IGFN1: variants seen among roughly 807,000 people sequenced by gnomAD.
IGFN1 encodes the protein immunoglobulin like and fibronectin type III domain containing 1.
In IGFN1, 253 loss-of-function variants were observed where a neutral mutation model predicts 289.5. That is an observed-to-expected ratio of 0.87 (90% CI 0.79 to 0.97). IGFN1 has a LOEUF of 0.97. IGFN1 is among the 50% of genes least tolerant of loss of function. The pLI is 0.00. For missense variants in IGFN1, 4,470 were observed against 4,686.1 expected (o/e 0.95, Z 1.35); for synonymous variants, 1,706 against 1,788.5 (o/e 0.95, Z 1.16).
chr1:201,195,879 C>T lies in IGFN1; in HGVS notation c.168C>T (p.Pro56=). The part of the protein sequence containing the change: ...AVFRAVVCGE[P]RPEVRWQNSK... ...TTCGGGCTGTGGTCTGTGGGGAGCC[C>T]AGGCCCGAGGTGCGTTGGCAGAACT... The change falls in exon 4 of 24, where the codon CCC becomes CCT. Residue 56 remains proline, a synonymous_variant. Coordinates refer to ENST00000335211, the MANE Select transcript of IGFN1 (RefSeq NM_001164586.2). 1.3e-6 allele frequency: 2 copies of T among 1,551,730 alleles called. No individual in the cohort carries two copies. The highest frequency in any genetic ancestry group is 1.2e-5 in the South Asian group (1 of 84,062).
Position 201,216,590 on chromosome 1 carries a change from CAGG to C in IGFN1, c.9435_9437del (p.Arg3145del). On this transcript the variant is annotated inframe_deletion, in exon 16 of 24. Transcript: ENST00000335211. ...ACGTGGTGGAGAGACGGCAGGCTGG[CAGG>C]AGCACTTGGCTGAAGGTGGGCGAGG... is the stretch of plus-strand genomic sequence containing the variant. 1 of 1,613,668 alleles carries C rather than the reference CAGG, an allele frequency of 6.2e-7. No homozygotes were observed. Among genetic ancestry groups the C allele is most frequent in the African/African-American group, 1.3e-5 (1 of 74,932 alleles).
Position 201,208,965 on chromosome 1 carries a change from G to T in IGFN1, c.4072G>T (p.Ala1358Ser). The change falls in exon 12 of 24, where the codon GCA becomes TCA. Residue 1358 changes from alanine (A) to serine (S), a missense_variant. Coordinates refer to ENST00000335211, the MANE Select transcript of IGFN1 (RefSeq NM_001164586.2). ...CAGGGAAGCGGGTTCAGGGAGCAAG[G>T]CAGATTATAGCGGTGGTTTAAAGGG... ...DSREAGSGSK[A>S]DYSGGLKGSR... 1 of 1,536,638 alleles carries T rather than the reference G, an allele frequency of 6.5e-7. No homozygotes were observed. The highest frequency in any genetic ancestry group is 8.7e-7 in the Non-Finnish European group (1 of 1,146,758).
intron 4 of IGFN1, 78 bp downstream of exon 4, chr1:201,196,056 C>A: frequency 7.0e-7 from 1 of 1,421,744 alleles, no homozygotes; most frequent in Non-Finnish European, 9.5e-7. Context: ...TGGCAGCCTC[C>A]AATCCCTAGA....
intron 10 of IGFN1, 72 bp from the exon 11 acceptor site, chr1:201,205,010 C>A: frequency 7.0e-7 from 1 of 1,427,512 alleles, no homozygotes; most frequent in African/African-American, 1.4e-5. Context: ...TTCTGAATGG[C>A]CAGCCTTGCT....
Position 201,215,670 on chromosome 1 carries a change from G to A in IGFN1, c.9127G>A (p.Gly3043Arg), listed in dbSNP as rs755985555. The change falls in exon 15 of 24, where the codon GGG becomes AGG. Residue 3043 changes from glycine (G) to arginine (R), a missense_variant. Gly to Arg is a moderately radical substitution (Grantham distance 125). Transcript: ENST00000335211. ...LPIQAAWRKD[G>R]AEVVGSSDRE... is the part of the protein sequence containing the mutation. ...CATTCAGGCTGCCTGGAGGAAGGAC[G>A]GGGCTGAGGTGGTGGGCAGCAGTGA... 11 of 1,613,884 alleles carry A rather than the reference G, an allele frequency of 6.8e-6. No homozygotes were observed. The highest frequency in any genetic ancestry group is 6.7e-5 in the East Asian group (3 of 44,894).
intron 23 of IGFN1, 57 bp downstream of exon 23, chr1:201,227,265 T>TG: frequency 7.0e-7 from 1 of 1,420,952 alleles, no homozygotes; most frequent in Non-Finnish European, 9.5e-7. Flanking sequence ...AGCAACCACC[T>TG]GCCTGTCAGG....
Position 201,213,277 on chromosome 1 carries a change from AG to A in IGFN1, c.8386del (p.Glu2796ArgfsTer62). 6.4e-7 allele frequency: 1 copy of A among 1,556,220 alleles called. No individual in the cohort carries two copies. Among genetic ancestry groups the A allele is most frequent in the Non-Finnish European group, 8.7e-7 (1 of 1,149,454 alleles). ...NGEVQGPGALKEDEGQGVEEA... is the reference protein window; with the variant it reads ...NGEVQGPGALXEDEGQGVEEA... ...GAGGTCCAGGGTCCTGGGGCCCTAA[AG>A]GAGGATGAAGGGCAGGGAGTGGAAG... On this transcript the variant is annotated frameshift_variant, in exon 12 of 24. Coordinates refer to ENST00000335211, the MANE Select transcript of IGFN1 (RefSeq NM_001164586.2). LOFTEE classifies it high-confidence loss of function.
Position 201,206,146 on chromosome 1 carries a change from A to C in IGFN1, c.1253A>C (p.Gln418Pro), listed in dbSNP as rs9651057. ...CACAAACTGCAGAGGCAAGGAGCCC[A>C]GGCATCAGGAGCAGAAGAGTCTGGG... ...ADHKLQRQGA[Q>P]ASGAEESGSI... The change falls in exon 12 of 24, where the codon CAG becomes CCG. Residue 418 changes from glutamine to proline, a missense_variant. Transcript: ENST00000335211. The C allele has an allele frequency of 1.5e-5, 23 of 1,550,646 alleles. No individual in the cohort carries two copies. In the East Asian group the frequency reaches 5.4e-4, roughly 36 times the overall value.
intron 1 of IGFN1, among the ~76,000 whole-genome samples, chr1:201,191,903 G>A (rs1666674402): frequency 6.7e-6 from 1 of 149,748 alleles, no homozygotes; most frequent in Non-Finnish European, 1.5e-5. Flanking sequence ...TCAGATAGCT[G>A]TGTTGAACTC....
intron 17 of IGFN1, 31 bp from the exon 18 acceptor site, chr1:201,218,499 G>T: frequency 1.2e-6 from 2 of 1,603,100 alleles, no homozygotes; most frequent in Non-Finnish European, 1.7e-6. Context: ...GCACCATCAG[G>T]GTGGGACTCA....
In IGFN1 at chr1:201,212,021, T is replaced by C; in HGVS notation, c.7128T>C (p.His2376=). Reference sequence around the variant, plus strand: ...CAGGCTCACTGGCTGGAATAGGACATGAGGCTGGACCCAGAGGCCATAAAG... The same window carrying C: ...CAGGCTCACTGGCTGGAATAGGACACGAGGCTGGACCCAGAGGCCATAAAG... ...GVPGSLAGIG[H]EAGPRGHKAM... is the part of the protein sequence containing the mutation. The change falls in exon 12 of 24, where the codon CAT becomes CAC. Residue 2376 remains histidine, a synonymous_variant. Coordinates refer to ENST00000335211, the MANE Select transcript of IGFN1 (RefSeq NM_001164586.2). 2 of 1,536,058 alleles carry C rather than the reference T, an allele frequency of 1.3e-6. No homozygotes were observed. The highest frequency in any genetic ancestry group is 1.7e-6 in the Non-Finnish European group (2 of 1,146,682).
At position 201,211,202 on chromosome 1, in the gene IGFN1, G is replaced by T. The variant is rs1467577359; in HGVS notation, c.6309G>T (p.Glu2103Asp). 4 of 1,531,448 alleles carry T rather than the reference G, an allele frequency of 2.6e-6. No homozygotes were observed. The highest frequency in any genetic ancestry group is 3.5e-6 in the Non-Finnish European group (4 of 1,144,538). The allele number at this position is 1,531,448 out of a possible 1,614,324, so 94.9% of individuals were successfully genotyped here. The change falls in exon 12 of 24, where the codon GAG (glutamate) becomes GAT (aspartate). Residue 2103 changes from glutamate (E) to aspartate (D), a missense_variant. Physicochemically the swap from Glu to Asp is conservative, Grantham distance 45. Around this residue, in one of 8 missense-constraint regions of IGFN1, gnomAD observed 2,218 missense variants for 2,114.1 expected, o/e 1.05. Transcript: ENST00000335211. ...GGSEEMESMDEAGYRKDLGAP... is the reference protein window; with the variant it reads ...GGSEEMESMDDAGYRKDLGAP... ...CTGAAGAAATGGAGTCAATGGATGA[G>T]GCAGGTTATAGGAAGGATTTGGGGG... is the stretch of plus-strand genomic sequence containing the variant.
chr1:201,228,309 G>A, intron 23 of IGFN1, 77 bp from the exon 24 acceptor site: 1 of 1,460,552 alleles, frequency 6.8e-7, no homozygotes, highest in South Asian at 1.1e-5. Flanking sequence ...CCCATTCTGA[G>A]TTTTCTTCAC....
rs1425554927 is a variant in IGFN1 at position 201,224,710 on chromosome 1, A to G, written c.10322A>G (p.Lys3441Arg). The change falls in exon 21 of 24, where the codon AAG becomes AGG. Residue 3441 changes from lysine (K) to arginine (R), a missense_variant. Transcript: ENST00000335211. ...AMPMPEVTWL[K>R]DGLPLPKRSV... ...CCCATGCCTGAGGTGACCTGGCTGA[A>G]GGATGGCTTGCCCTTGCCCAAAAGA... 6.2e-7 allele frequency: 1 copy of G among 1,614,186 alleles called. No individual in the cohort carries two copies. Among genetic ancestry groups the G allele is most frequent in the Non-Finnish European group, 8.5e-7 (1 of 1,180,024 alleles).
chr1:201,202,457 C>A (rs1239569798), intron 9 of IGFN1, among the ~76,000 whole-genome samples: 1 of 152,088 alleles, frequency 6.6e-6, no homozygotes, highest in Non-Finnish European at 1.5e-5. Flanking sequence ...TGCTTCTCTT[C>A]CCCTTGTCCC....
At chr1:201,204,017 A>G in intron 10 of IGFN1, 111 bp downstream of exon 10, 1 of 1,019,482 alleles carries the variant, frequency 9.8e-7, no homozygotes, top group South Asian at 1.7e-5. Context: ...CCCAGCTGCA[A>G]AAGACAATTG....
chr1:201,199,067 C>A (rs12564101), intron 5 of IGFN1, among the ~76,000 whole-genome samples: 23,580 of 152,156 alleles, frequency 0.15, 2,035 homozygotes, highest in South Asian at 0.23. Flanking sequence ...CTGGCCCCTG[C>A]GGACACATGA....
chr1:201,200,353 G>A lies in IGFN1; in HGVS notation c.575G>A (p.Arg192His), dbSNP rs944614967. The stretch of plus-strand genomic sequence containing the variant: ...TTGAAGTATGGCATCGTCGACTACC[G>A]TGGCATGTTGCGCAGGCTGCAGGAG... ...ICLKYGIVDY[R>H]GMLRRLQEMK... Residue 192 changes from arginine (R) to histidine (H), a missense_variant, in exon 8 of 24, where the codon CGT (arginine) becomes CAT (histidine). Arg to His is a conservative substitution (Grantham distance 29). This residue lies in a region of IGFN1 where 2,011 missense variants were observed against 1,953.4 expected (regional missense o/e 1.03). Transcript: ENST00000335211. 38 of 1,551,662 alleles carry A rather than the reference G, an allele frequency of 2.4e-5. No homozygotes were observed. The highest frequency in any genetic ancestry group is 1.2e-4 in the East Asian group (5 of 40,938).
At chr1:201,217,515 C>T (rs932190567) in intron 17 of IGFN1, 55 bp downstream of exon 17, 2 of 1,569,598 alleles carry the variant, frequency 1.3e-6, no homozygotes, top group Non-Finnish European at 1.7e-6. Context: ...GCTCCAGGAT[C>T]CCAGGGACTT....
Sources: allele counts gnomAD v4.1 joint callset (sites outside exome capture counted in the v4.1 genomes callset), GRCh38; gene constraint gnomAD v4.1.1; regional missense constraint gnomAD v4.1.1; transcripts MANE v1.5; gene names NCBI Gene and HGNC (gene_info 2026-07-23, HGNC 2026-07-21).